CNTNAP5: variants seen among roughly 807,000 people sequenced by gnomAD.
CNTNAP5 encodes the protein contactin associated protein family member 5.
CNTNAP5 carries 72 observed loss-of-function variants against 150.2 expected under a neutral mutation model. That is an observed-to-expected ratio of 0.48 (90% CI 0.40 to 0.58). The LOEUF (loss-of-function observed/expected upper bound fraction) is 0.58, where lower values mean the gene tolerates loss of function less well. Ranked by LOEUF, CNTNAP5 falls within the 20% of genes least tolerant of loss-of-function variation. The pLI, the probability that CNTNAP5 is intolerant of heterozygous loss-of-function variation, is 0.00. For missense variants in CNTNAP5, 1,636 were observed against 1,626.2 expected (o/e 1.01, Z -0.10); for synonymous variants, 672 against 619.8 (o/e 1.08, Z -1.25).
intron 13 of CNTNAP5, among the ~76,000 whole-genome samples, chr2:124,722,669 C>A (rs1199316006): frequency 6.6e-6 from 1 of 152,116 alleles, no homozygotes; most frequent in Non-Finnish European, 1.5e-5. Flanking sequence ...TGGGTAATGG[C>A]AGCTGGGCTG....
chr2:124,252,921 C>T (rs1258801632), intron 3 of CNTNAP5, among the ~76,000 whole-genome samples: 1 of 151,570 alleles, frequency 6.6e-6, no homozygotes, highest in Non-Finnish European at 1.5e-5. Flanking sequence ...GAATAAAGAC[C>T]AATATTTGTA....
chr2:124,511,928 G>GT (rs11301671), intron 8 of CNTNAP5, among the ~76,000 whole-genome samples: 89 of 141,894 alleles, frequency 6.3e-4, no homozygotes, highest in East Asian at 1.7e-3. Context: ...CCTGAATAGG[G>GT]TTTTTTTTTT....
intron 3 of CNTNAP5, among the ~76,000 whole-genome samples, chr2:124,318,876 C>A (rs1689032453): frequency 6.6e-6 from 1 of 152,164 alleles, no homozygotes; most frequent in South Asian, 2.1e-4. Context: ...ATCATTACAG[C>A]ACCTACTGGG....
rs539646768 is a variant in CNTNAP5, at chr2:124,842,747, T to C, written c.3218-22559T>C. 6.6e-5 allele frequency among the ~76,000 whole-genome samples: 10 copies of C among 152,282 alleles called. No individual in the cohort carries two copies. The South Asian group carries it at 1.7e-3, about 25-fold the overall frequency. Reference sequence around the variant, plus strand: ...GTTTGGGGATTTGGTACCTGTTTACTACTTCCTTTGAGAGTTTTCAAGGTT... The same window carrying C: ...GTTTGGGGATTTGGTACCTGTTTACCACTTCCTTTGAGAGTTTTCAAGGTT... On this transcript the variant is annotated intron_variant, in intron 19 of 23. Coordinates refer to ENST00000682447, the MANE Select transcript of CNTNAP5 (RefSeq NM_001367498.1).
At chr2:124,422,108 A>G (rs1204939439) in intron 4 of CNTNAP5, among the ~76,000 whole-genome samples, 1 of 152,218 alleles carries the variant, frequency 6.6e-6, no homozygotes, top group Non-Finnish European at 1.5e-5. Flanking sequence ...GTACATAGAT[A>G]TATCAATCCA....
chr2:124,602,216 C>T (rs1697001507), intron 11 of CNTNAP5, among the ~76,000 whole-genome samples: 1 of 151,586 alleles, frequency 6.6e-6, no homozygotes, highest in African/African-American at 2.4e-5. Context: ...GTGGCATGTG[C>T]CTGTAATCCC....
intron 2 of CNTNAP5, among the ~76,000 whole-genome samples, chr2:124,227,542 C>T (rs948993299): frequency 1.3e-5 from 2 of 151,844 alleles, no homozygotes; most frequent in African/African-American, 2.4e-5. Flanking sequence ...GTAATAAATA[C>T]TTGTCAAAGT....
chr2:124,307,280 C>A (rs1688717029), intron 3 of CNTNAP5, among the ~76,000 whole-genome samples: 1 of 152,068 alleles, frequency 6.6e-6, no homozygotes, highest in South Asian at 2.1e-4. Context: ...TGTGTCTCTT[C>A]CTCTTTCATA....
Position 124,734,430 on chromosome 2 carries a change from G to A in CNTNAP5, c.2078-12799G>A, listed in dbSNP as rs1334514438. Among the ~76,000 whole-genome samples the A allele has an allele frequency of 2.6e-5, 4 of 152,064 alleles. No homozygotes were observed. The East Asian group carries it at 7.7e-4, about 29-fold the overall frequency. On this transcript the variant is annotated intron_variant, in intron 13 of 23. Coordinates refer to ENST00000682447, the MANE Select transcript of CNTNAP5 (RefSeq NM_001367498.1). ...ACAAGAAATCTAACTGAACCTCACT[G>A]ATATTTTCAAATGATGGAACAGAGT...
intron 19 of CNTNAP5, among the ~76,000 whole-genome samples, chr2:124,838,471 A>AG (rs1682875558): frequency 6.6e-6 from 1 of 152,184 alleles, no homozygotes; most frequent in Admixed American, 6.6e-5. Context: ...TATCTTTGAA[A>AG]GGGGTGTCTT....
At chr2:124,616,096 C>T (rs1374124959) in intron 12 of CNTNAP5, among the ~76,000 whole-genome samples, 2 of 152,004 alleles carry the variant, frequency 1.3e-5, no homozygotes, top group African/African-American at 4.8e-5. Flanking sequence ...CTTATGGATC[C>T]TAGGATTTTG....
chr2:124,822,208 C>T (rs1355954059), intron 19 of CNTNAP5, among the ~76,000 whole-genome samples: 1 of 152,110 alleles, frequency 6.6e-6, no homozygotes, highest in Non-Finnish European at 1.5e-5. Context: ...ATATTAGAAC[C>T]TTACTCCAGG....
chr2:124,077,387 C>G (rs778518754), intron 1 of CNTNAP5, among the ~76,000 whole-genome samples: 40 of 152,170 alleles, frequency 2.6e-4, no homozygotes, highest in Non-Finnish European at 5.6e-4. Flanking sequence ...GTGTGATAAA[C>G]TAGAGATAAC....
intron 6 of CNTNAP5, among the ~76,000 whole-genome samples, chr2:124,447,219 T>G (rs1275462575): frequency 6.6e-6 from 1 of 151,898 alleles, no homozygotes; most frequent in Non-Finnish European, 1.5e-5. Context: ...GTGTAGACTT[T>G]CTGTGCTGCT....
chr2:124,641,191 A>G (rs1252939675), intron 12 of CNTNAP5, among the ~76,000 whole-genome samples: 1 of 151,318 alleles, frequency 6.6e-6, no homozygotes, highest in Non-Finnish European at 1.5e-5. Context: ...AGCCAGCACC[A>G]CGCTCAGTTC....
In CNTNAP5 at chr2:124,665,647, G is replaced by A. The variant is rs191291611; in HGVS notation, c.2077+17689G>A. Among the ~76,000 whole-genome samples the A allele has an allele frequency of 3.0e-3, 455 of 152,274 alleles. 2 individuals carry two copies. The highest frequency in any genetic ancestry group is 0.01 in the African/African-American group (428 of 41,560). On this transcript the variant is annotated intron_variant, in intron 13 of 23. Transcript: ENST00000682447. ...TATGCCTGTAATCCCAGCACTTTGG[G>A]AGGCCGAGACCGGCAGATCACAAGG...
intron 11 of CNTNAP5, among the ~76,000 whole-genome samples, chr2:124,577,518 G>A (rs1696310835): frequency 6.6e-6 from 1 of 152,096 alleles, no homozygotes. Flanking sequence ...TATCTATTCA[G>A]GGTTCAACAG....
rs142832520 is a variant in CNTNAP5, at chr2:124,900,151, G to A, written c.3437-2731G>A. 1.6e-3 allele frequency among the ~76,000 whole-genome samples: 248 copies of A among 151,384 alleles called. 12 individuals are homozygous for A. The highest frequency in any genetic ancestry group is 5.8e-3 in the African/African-American group (239 of 40,870). ...TTTTGAAGGTTGAGAACACATATCCGGAAGAACTTTTGAGGGGAATAGAAA... is the reference window on the plus strand; with the variant it reads ...TTTTGAAGGTTGAGAACACATATCCAGAAGAACTTTTGAGGGGAATAGAAA... On this transcript the variant is annotated intron_variant, in intron 21 of 23. Coordinates refer to ENST00000682447, the MANE Select transcript of CNTNAP5 (RefSeq NM_001367498.1).
intron 7 of CNTNAP5, among the ~76,000 whole-genome samples, chr2:124,477,121 A>G (rs963372020): frequency 2.0e-5 from 3 of 152,084 alleles, no homozygotes; most frequent in Non-Finnish European, 4.4e-5. Context: ...AATAGGGAAA[A>G]CTATGTTACT....
Sources: allele counts gnomAD v4.1 joint callset (sites outside exome capture counted in the v4.1 genomes callset), GRCh38; gene constraint gnomAD v4.1.1; transcripts MANE v1.5; gene names NCBI Gene and HGNC (gene_info 2026-07-23, HGNC 2026-07-21).